The following AKAP13 variants were observed in gnomAD, a reference collection of about 807,000 sequenced individuals.
AKAP13 encodes A-kinase anchor protein 13.
A neutral mutation model predicts 264.5 loss-of-function variants in AKAP13; 80 were observed. The ratio of observed to expected loss-of-function variants is 0.30; its 90% CI spans 0.25 to 0.36. AKAP13 has a LOEUF of 0.36. AKAP13 is among the 10% of genes least tolerant of loss of function. The pLI is 1.00. For synonymous variants in AKAP13, 1,380 were observed against 1,250.2 expected, an observed-to-expected ratio of 1.10 and a Z score of -2.19; for missense variants, 3,712 against 3,435.2, an observed-to-expected ratio of 1.08 and a Z score of -2.01.
chr15:85,415,497 G>T, intron 1 of AKAP13: 1 of 1,550,484 alleles, frequency 6.4e-7, no homozygotes, highest in Non-Finnish European at 8.8e-7. Context: ...CAACTTTACA[G>T]ATGGTGCATT....
intron 8 of AKAP13, among the ~76,000 whole-genome samples, chr15:85,630,723 A>G (rs1278879361): frequency 6.6e-6 from 1 of 152,202 alleles, no homozygotes; most frequent in South Asian, 2.1e-4. Flanking sequence ...TTTCCATTAA[A>G]AAAAAGAAAC....
intron 8 of AKAP13, among the ~76,000 whole-genome samples, chr15:85,632,377 C>T (rs1239346616): frequency 6.6e-6 from 1 of 152,158 alleles, no homozygotes; most frequent in Non-Finnish European, 1.5e-5. Context: ...GTGACCTTTG[C>T]CCTTGACTGA....
At chr15:85,600,441 C>T (rs543444431) in intron 8 of AKAP13, among the ~76,000 whole-genome samples, 13 of 151,438 alleles carry the variant, frequency 8.6e-5, no homozygotes, top group South Asian at 4.2e-4. Context: ...ATTAAAAGTA[C>T]GAATTGTTAA....
chr15:85,691,224 C>T (rs1265715595), intron 16 of AKAP13, among the ~76,000 whole-genome samples: 1 of 152,148 alleles, frequency 6.6e-6, no homozygotes. Context: ...TAGGTAAAAC[C>T]TCTTACCTTG....
At chr15:85,385,405 T>G (rs1741087907) in intron 1 of AKAP13, among the ~76,000 whole-genome samples, 1 of 152,230 alleles carries the variant, frequency 6.6e-6, no homozygotes, top group Non-Finnish European at 1.5e-5. Context: ...TAGTTTACAT[T>G]CACTAAAATT....
chr15:85,447,072 T>C (rs2073924514), intron 1 of AKAP13, among the ~76,000 whole-genome samples: 1 of 152,052 alleles, frequency 6.6e-6, no homozygotes, highest in Non-Finnish European at 1.5e-5. Flanking sequence ...ATTGAGACCA[T>C]CCTGGCCAAC....
intron 1 of AKAP13, among the ~76,000 whole-genome samples, 196 bp downstream of exon 1, chr15:85,380,994 C>T (rs1041903596): frequency 2.2e-4 from 33 of 152,080 alleles, no homozygotes; most frequent in African/African-American, 7.7e-4. Flanking sequence ...GCGGACCCCT[C>T]CTCCCTGCGC....
chr15:85,419,303 C>G (rs2072400671), intron 1 of AKAP13, among the ~76,000 whole-genome samples: 1 of 152,158 alleles, frequency 6.6e-6, no homozygotes, highest in South Asian at 2.1e-4. Flanking sequence ...AAAATGCTCT[C>G]CTTTTGATAC....
At position 85,748,155 on chromosome 15, in the gene AKAP13, T is replaced by A. The variant is rs1441587269; in HGVS notation, c.*3478T>A. 6.6e-5 allele frequency: 10 copies of A among 152,226 alleles called. No individual in the cohort carries two copies. Among genetic ancestry groups the A allele is most frequent in the African/African-American group, 2.2e-4 (9 of 41,462 alleles). The allele number at this position is 152,226 out of a possible 1,614,324, so 9.4% of individuals were successfully genotyped here. ...AGGTCTTCCCAAGGATTTTAGTATT[T>A]GCATTGGAGTTGAGGTTTACTCTAA... On this transcript the variant is annotated 3_prime_UTR_variant, in exon 37 of 37. Coordinates refer to ENST00000394518, the MANE Select transcript of AKAP13 (RefSeq NM_007200.5).
In AKAP13 at chr15:85,668,143, A is replaced by AT. The variant is rs2083708164; in HGVS notation, c.4993-1573dup. 2.6e-5 allele frequency among the ~76,000 whole-genome samples: 4 copies of AT among 152,320 alleles called. No individual in the cohort carries two copies. In the South Asian group the frequency reaches 8.3e-4, roughly 32 times the overall value. On this transcript the variant is annotated intron_variant, in intron 13 of 36. Transcript: ENST00000394518. The stretch of plus-strand genomic sequence containing the variant: ...AAAGTCTCTGCCTTTCACTGAGGTC[A>AT]TTTTTTAGACCTCACAGTTGTATTT...
intron 5 of AKAP13, among the ~76,000 whole-genome samples, chr15:85,552,626 G>T (rs1434779568): frequency 1.5e-4 from 18 of 118,786 alleles, no homozygotes; most frequent in African/African-American, 5.0e-4. Flanking sequence ...CGTTTTTTTG[G>T]CCTTTTTTTT....
At chr15:85,508,593 T>C (rs981741423) in intron 2 of AKAP13, among the ~76,000 whole-genome samples, 1 of 152,176 alleles carries the variant, frequency 6.6e-6, no homozygotes, top group Non-Finnish European at 1.5e-5. Flanking sequence ...TTCTGTAGTT[T>C]CCTTGCTCTG....
chr15:85,683,663 G>A (rs189824461), intron 15 of AKAP13: 1 of 152,186 alleles, frequency 6.6e-6, no homozygotes, highest in African/African-American at 2.4e-5. Flanking sequence ...TAGAGACGGG[G>A]TTTCACCATG....
rs144975502 is a variant in AKAP13, at chr15:85,723,407, T to C, written c.6745+87T>C. On this transcript the variant is annotated intron_variant, in intron 26 of 36. Coordinates refer to ENST00000394518, the MANE Select transcript of AKAP13 (RefSeq NM_007200.5). ...CTTTTGTTGGAAATTCACTACCAGA[T>C]TTTTTTCCCAGAGAGCCCATCTCTA... 9.7e-6 allele frequency: 15 copies of C among 1,545,624 alleles called. No homozygotes were observed. In the African/African-American group the frequency reaches 2.1e-4, roughly 21 times the overall value.
Position 85,575,205 on chromosome 15 carries a change from A to G in AKAP13, c.737A>G (p.His246Arg). The G allele has an allele frequency of 6.2e-7, 1 of 1,614,178 alleles. No homozygotes were observed. Among genetic ancestry groups the G allele is most frequent in the Non-Finnish European group, 8.5e-7 (1 of 1,180,024 alleles). The change falls in exon 6 of 37, where the codon CAT becomes CGT. Residue 246 changes from histidine to arginine, a missense_variant. This residue lies in a region of AKAP13 where 2,759 missense variants were observed against 2,411.7 expected (regional missense o/e 1.14). Transcript: ENST00000394518. ...EIPYGDCSVR[H>R]HRELDIYTLT... ...CCGTATGGAGACTGTTCTGTGAGGC[A>G]TCATCGAGAGTTGGACATCTATACA...
intron 3 of AKAP13, among the ~76,000 whole-genome samples, chr15:85,527,677 A>G (rs1386328041): frequency 6.6e-6 from 1 of 152,222 alleles, no homozygotes. Flanking sequence ...ACTCCTGTAC[A>G]CATAGAGACA....
chr15:85,668,666 G>C (rs568306258), intron 13 of AKAP13, among the ~76,000 whole-genome samples: 13 of 152,282 alleles, frequency 8.5e-5, no homozygotes, highest in Non-Finnish European at 1.6e-4. Flanking sequence ...CAGAGGCCAG[G>C]CCTGGTGGTT....
chr15:85,726,633 G>C, intron 27 of AKAP13, 147 bp downstream of exon 27: 1 of 654,126 alleles, frequency 1.5e-6, no homozygotes, highest in South Asian at 2.2e-5. Flanking sequence ...CATGCCCTCA[G>C]AATTTTCTGG....
chr15:85,650,620 G>A lies in AKAP13; in HGVS notation c.4374+4666G>A, dbSNP rs2082760253. 2.0e-5 allele frequency among the ~76,000 whole-genome samples: 3 copies of A among 151,152 alleles called. No individual in the cohort carries two copies. The South Asian group carries it at 6.3e-4, about 32-fold the overall frequency. On this transcript the variant is annotated intron_variant, in intron 10 of 36. Transcript: ENST00000394518. ...AAAATACAAAAATTAGCTGGGCGTG[G>A]TGGCAGGCGCCTGTAATCCCAGCTA...
Sources: gnomAD v4.1 joint callset for allele counts (sites outside exome capture counted in the v4.1 genomes callset) on GRCh38, gnomAD v4.1.1 for gene constraint, gnomAD v4.1.1 regional missense constraint, MANE v1.5 for transcripts, NCBI Gene and HGNC (gene_info 2026-07-23, HGNC 2026-07-21) for gene names.